LYPLA1: variants seen among roughly 807,000 people sequenced by gnomAD.
The protein encoded by LYPLA1 is acyl-protein thioesterase 1.
Under a neutral mutation model 34.0 loss-of-function variants are expected in LYPLA1, and 17 were observed. The observed-to-expected ratio is 0.50, with a 90% CI of 0.34 to 0.75. The LOEUF (loss-of-function observed/expected upper bound fraction) is 0.75. Among genes scored for constraint, LYPLA1 ranks in the 30% least tolerant of loss-of-function variants. The pLI, the probability that LYPLA1 is intolerant of heterozygous loss-of-function variation, is 0.01. For missense variants in LYPLA1, 203 were observed against 288.8 expected (o/e 0.70, Z 2.15); for synonymous variants, 98 against 100.8 (o/e 0.97, Z 0.17).
intron 2 of LYPLA1, among the ~76,000 whole-genome samples, chr8:54,084,114 G>A (rs1193423128): frequency 2.5e-5 from 3 of 119,998 alleles, no homozygotes; most frequent in South Asian, 2.4e-4. Flanking sequence ...CTCCAGCCTG[G>A]GAGACCAAAG....
chr8:54,083,900 T>C (rs1288513658), intron 2 of LYPLA1, among the ~76,000 whole-genome samples: 1 of 148,082 alleles, frequency 6.8e-6, no homozygotes, highest in African/African-American at 2.5e-5. Context: ...CACTTTGGGA[T>C]GCTGAGGTGG....
At chr8:54,101,543 A>T (rs1810154711) in intron 1 of LYPLA1, 1 of 1,144,762 alleles carries the variant, frequency 8.7e-7, no homozygotes, top group Non-Finnish European at 1.1e-6. Flanking sequence ...TGCAGGGAGG[A>T]GCTGGGGACT....
At position 54,079,892 on chromosome 8, in the gene LYPLA1, T is replaced by C. The variant is rs527913469; in HGVS notation, c.102-14079A>G. 3.9e-5 allele frequency among the ~76,000 whole-genome samples: 6 copies of C among 152,360 alleles called. No individual in the cohort carries two copies. The South Asian group carries it at 1.2e-3, about 32-fold the overall frequency. Reference sequence around the variant, plus strand: ...TAACCACATTATAAAATGTTTTCCATGGTTATTGCCAATGCTGATTTTCTG... The same window carrying C: ...TAACCACATTATAAAATGTTTTCCACGGTTATTGCCAATGCTGATTTTCTG... On this transcript the variant is annotated intron_variant, in intron 2 of 8. Coordinates refer to ENST00000316963, the MANE Select transcript of LYPLA1 (RefSeq NM_006330.4).
chr8:54,060,148 G>T (rs11988830), intron 5 of LYPLA1, among the ~76,000 whole-genome samples: 1 of 151,672 alleles, frequency 6.6e-6, no homozygotes, highest in Non-Finnish European at 1.5e-5. Flanking sequence ...TTCCTGAGAC[G>T]GAGTTTCACT....
At chr8:54,067,932 C>G (rs1807194846) in intron 2 of LYPLA1, among the ~76,000 whole-genome samples, 1 of 152,090 alleles carries the variant, frequency 6.6e-6, no homozygotes, top group South Asian at 2.1e-4. Context: ...CATGATCCGT[C>G]TGCCTCAGCC....
At chr8:54,074,099 C>T (rs916424687) in intron 2 of LYPLA1, among the ~76,000 whole-genome samples, 1 of 152,120 alleles carries the variant, frequency 6.6e-6, no homozygotes, top group Admixed American at 6.5e-5. Context: ...CATGGTGAAA[C>T]CCCATCTCTA....
At chr8:54,085,200 C>G (rs2129355318) in intron 2 of LYPLA1, among the ~76,000 whole-genome samples, 1 of 152,364 alleles carries the variant, frequency 6.6e-6, no homozygotes, top group African/African-American at 2.4e-5. Context: ...GTTGGCCGGG[C>G]TGGTCTCCAG....
chr8:54,089,527 TACTAAC>T (rs970587175), intron 2 of LYPLA1, among the ~76,000 whole-genome samples: 51 of 144,752 alleles, frequency 3.5e-4, no homozygotes, highest in African/African-American at 1.2e-3. Flanking sequence ...TATGTGACAA[TACTAAC>T]ACTAATATGT....
Position 54,078,432 on chromosome 8 carries a change from A to G in LYPLA1, c.102-12619T>C, listed in dbSNP as rs150532182. ...ATAAATTCTCTACCCACCAGACTCA[A>G]CTACTAAAGTATACATGGTCCCCAA... On this transcript the variant is annotated intron_variant, in intron 2 of 8. Coordinates refer to ENST00000316963, the MANE Select transcript of LYPLA1 (RefSeq NM_006330.4). Among the ~76,000 whole-genome samples, 142 of 152,348 alleles carry G rather than the reference A, an allele frequency of 9.3e-4. 2 individuals are homozygous for G. The Middle Eastern group carries it at 0.024, about 26-fold the overall frequency.
intron 2 of LYPLA1, among the ~76,000 whole-genome samples, chr8:54,081,679 T>A (rs1332289586): frequency 6.6e-6 from 1 of 151,320 alleles, no homozygotes; most frequent in Non-Finnish European, 1.5e-5. Flanking sequence ...CCTCCCAAAG[T>A]GCTGGGATTA....
chr8:54,070,946 G>A (rs774059285), intron 2 of LYPLA1, among the ~76,000 whole-genome samples: 2 of 152,060 alleles, frequency 1.3e-5, no homozygotes, highest in South Asian at 2.1e-4. Flanking sequence ...CAAAACTTAC[G>A]GTGAATACAT....
chr8:54,083,957 G>T (rs1318106457), intron 2 of LYPLA1, among the ~76,000 whole-genome samples: 6 of 151,100 alleles, frequency 4.0e-5, no homozygotes, highest in Admixed American at 4.0e-4. Context: ...GGCCAATGTG[G>T]TGAAACCCTG....
At chr8:54,085,841 C>T (rs1808711026) in intron 2 of LYPLA1, among the ~76,000 whole-genome samples, 1 of 147,530 alleles carries the variant, frequency 6.8e-6, no homozygotes, top group African/African-American at 2.5e-5. Flanking sequence ...GCCAGCCGCC[C>T]CGTCCGCGAG....
At chr8:54,072,589 A>C (rs562334495) in intron 2 of LYPLA1, among the ~76,000 whole-genome samples, 1 of 152,036 alleles carries the variant, frequency 6.6e-6, no homozygotes, top group Non-Finnish European at 1.5e-5. Flanking sequence ...TTATTCCTTT[A>C]CTTTCTTAAT....
In LYPLA1 at chr8:54,094,063, T is replaced by C. The variant is rs539833065; in HGVS notation, c.101+6845A>G. 1.9e-4 allele frequency among the ~76,000 whole-genome samples: 29 copies of C among 152,366 alleles called. 1 individual carries two copies. Among genetic ancestry groups the C allele is most frequent in the Non-Finnish European group, 3.1e-4 (21 of 68,036 alleles). On this transcript the variant is annotated intron_variant, in intron 2 of 8. Transcript: ENST00000316963. ...TCACAAAACATATCCATGTTGCCAA[T>C]TTATTTTAAATCCTCACCTTGTTTG...
intron 8 of LYPLA1, among the ~76,000 whole-genome samples, chr8:54,049,408 T>G (rs1805690998): frequency 6.6e-6 from 1 of 152,056 alleles, no homozygotes; most frequent in Non-Finnish European, 1.5e-5. Flanking sequence ...CATCCATCCT[T>G]TCTTTCTTTT....
chr8:54,066,301 C>A (rs561197647), intron 2 of LYPLA1, among the ~76,000 whole-genome samples: 48 of 152,188 alleles, frequency 3.2e-4, no homozygotes, highest in Middle Eastern at 3.4e-3. Flanking sequence ...CTAAAAAGAA[C>A]CCAGCAGCTG....
Position 54,101,871 on chromosome 8 carries a change from G to A in LYPLA1, c.-48C>T, listed in dbSNP as rs141249068. 1.7e-6 allele frequency: 2 copies of A among 1,161,906 alleles called. No homozygotes were observed. The highest frequency in any genetic ancestry group is 1.1e-6 in the Non-Finnish European group (1 of 923,186). The allele number at this position is 1,161,906 out of a possible 1,614,324, so 72.0% of individuals were successfully genotyped here. A position where few individuals can be genotyped will look rare whatever the true frequency, so the allele number is the denominator to read the frequency against. On this transcript the variant is annotated 5_prime_UTR_variant, in exon 1 of 9. Transcript: ENST00000316963. Reference sequence around the variant, plus strand: ...AAGCGGAAGGAAGAGCGGGCGCCCGGCCGCGGCCCAAGGGCGTGCGAGCGG... The same window carrying A: ...AAGCGGAAGGAAGAGCGGGCGCCCGACCGCGGCCCAAGGGCGTGCGAGCGG...
intron 6 of LYPLA1, among the ~76,000 whole-genome samples, chr8:54,054,219 G>T (rs1586078833): frequency 6.6e-6 from 1 of 152,094 alleles, no homozygotes; most frequent in South Asian, 2.1e-4. Flanking sequence ...CTGACCTCAA[G>T]TGATCCACCC....
Sources: allele counts gnomAD v4.1 joint callset (sites outside exome capture counted in the v4.1 genomes callset), GRCh38; gene constraint gnomAD v4.1.1; transcripts MANE v1.5; gene names NCBI Gene and HGNC (gene_info 2026-07-23, HGNC 2026-07-21).